PCYT1A: variants seen among roughly 807,000 people sequenced by gnomAD.
The protein encoded by PCYT1A is phosphate cytidylyltransferase 1A, choline, also known as choline-phosphate cytidylyltransferase A.
Under a neutral mutation model 43.7 loss-of-function variants are expected in PCYT1A, and 25 were observed. The observed-to-expected ratio is 0.57, with a 90% CI of 0.42 to 0.80. The LOEUF is 0.80. Among genes scored for constraint, PCYT1A ranks in the 30% least tolerant of loss-of-function variants. The pLI is 0.00. For synonymous variants in PCYT1A, 172 were observed against 170.7 expected, an observed-to-expected ratio of 1.01 and a Z score of -0.06; for missense variants, 421 against 474.2, an observed-to-expected ratio of 0.89 and a Z score of 1.04.
chr3:196,274,620 A>G (rs1725535868), intron 1 of PCYT1A, among the ~76,000 whole-genome samples: 1 of 152,236 alleles, frequency 6.6e-6, no homozygotes, highest in African/African-American at 2.4e-5. Context: ...TGGAAAACCA[A>G]TGCCAGACAG....
intron 2 of PCYT1A, among the ~76,000 whole-genome samples, chr3:196,259,927 T>C (rs1231179196): frequency 3.8e-5 from 5 of 131,866 alleles, no homozygotes; most frequent in Non-Finnish European, 6.6e-5. Flanking sequence ...TTTTTTTTTT[T>C]TTTTTTTTTT....
At position 196,237,892 on chromosome 3, in the gene PCYT1A, G is replaced by C. The variant is rs557850054; in HGVS notation, c.*796C>G. The C allele has an allele frequency of 3.6e-4, 55 of 152,308 alleles. No individual in the cohort carries two copies. Among genetic ancestry groups the C allele is most frequent in the African/African-American group, 1.1e-3 (46 of 41,554 alleles). The allele number at this position is 152,308 out of a possible 1,614,324, so 9.4% of individuals were successfully genotyped here. ...CTCTAAAAGTGTTCCTTCCTTCGAA[G>C]GTAGATGGCACGAAAGAGACTGACA... On this transcript the variant is annotated 3_prime_UTR_variant, in exon 9 of 9. Coordinates refer to ENST00000431016, the MANE Select transcript of PCYT1A (RefSeq NM_001312673.2).
Position 196,242,861 on chromosome 3 carries a change from C to T in PCYT1A, c.487-221G>A, listed in dbSNP as rs977483692. The stretch of plus-strand genomic sequence containing the variant: ...TGAAGTTAGCCAGCTGCTTTTGTAG[C>T]TATTTCTCCTAGTCTGCTAGAACTG... On this transcript the variant is annotated intron_variant, in intron 5 of 8. Coordinates refer to ENST00000431016, the MANE Select transcript of PCYT1A (RefSeq NM_001312673.2). This position sits in a 1 kb window ranked among gnomAD's most constrained non-coding sequence, Gnocchi z 4.2. 1 of 566,864 alleles carries T rather than the reference C, an allele frequency of 1.8e-6. No individual in the cohort carries two copies. The highest frequency in any genetic ancestry group is 3.2e-6 in the Non-Finnish European group (1 of 312,894). The allele number at this position is 566,864 out of a possible 1,614,324, so 35.1% of individuals were successfully genotyped here.
At chr3:196,244,230 C>T (rs1051363572) in intron 5 of PCYT1A, among the ~76,000 whole-genome samples, 1 of 147,076 alleles carries the variant, frequency 6.8e-6, no homozygotes. Context: ...GCCACGACCC[C>T]GTCTGGGATG....
chr3:196,249,052 G>A (rs970059878), intron 3 of PCYT1A, among the ~76,000 whole-genome samples: 6 of 152,160 alleles, frequency 3.9e-5, no homozygotes, highest in South Asian at 2.1e-4. Flanking sequence ...GAGCAACCGC[G>A]CCCGGCCCAA....
intron 8 of PCYT1A, 97 bp downstream of exon 8, chr3:196,239,450 A>T (rs557586694): frequency 2.8e-5 from 21 of 739,206 alleles, no homozygotes; most frequent in Non-Finnish European, 4.1e-5. Flanking sequence ...GATAGACTAG[A>T]TAACTTCTCA....
rs1463744045 is a variant in PCYT1A at position 196,287,721 on chromosome 3, G to C, written c.-117C>G. ...TGCGGGGAGACGCCCGGGGAAGGCAGCTGATGGAAGAGCCAGCCGGAAGTT... is the reference window on the plus strand; with the variant it reads ...TGCGGGGAGACGCCCGGGGAAGGCACCTGATGGAAGAGCCAGCCGGAAGTT... On this transcript the variant is annotated 5_prime_UTR_variant, in exon 1 of 9. Transcript: ENST00000431016. 2 of 152,260 alleles carry C rather than the reference G, an allele frequency of 1.3e-5. No individual in the cohort carries two copies. Among genetic ancestry groups the C allele is most frequent in the Admixed American group, 6.5e-5 (1 of 15,268 alleles). 9.4% of individuals were successfully genotyped at this position (152,260 alleles called of 1,614,324 possible).
At chr3:196,267,178 C>CA (rs878961519) in intron 2 of PCYT1A, 66,161 of 193,042 alleles carry the variant, frequency 0.34, 7,701 homozygotes, top group East Asian at 0.6. Flanking sequence ...GACTCAGTCT[C>CA]AAAAAAAAAA....
intron 1 of PCYT1A, among the ~76,000 whole-genome samples, chr3:196,285,666 T>G (rs1725889530): frequency 6.6e-6 from 1 of 152,146 alleles, no homozygotes; most frequent in Non-Finnish European, 1.5e-5. Flanking sequence ...TACAAATCAT[T>G]GAATTAGAGA....
chr3:196,261,483 C>T (rs945542786), intron 2 of PCYT1A, among the ~76,000 whole-genome samples: 7 of 151,974 alleles, frequency 4.6e-5, no homozygotes, highest in Admixed American at 3.3e-4. Context: ...GGTGAAACCC[C>T]GTCACTACTA....
At chr3:196,267,305 C>CCA (rs1560173825) in intron 2 of PCYT1A, 1 of 456,492 alleles carries the variant, frequency 2.2e-6, no homozygotes, top group Admixed American at 2.4e-5. Flanking sequence ...GTATGAATGT[C>CCA]CAGAACAGGC....
intron 1 of PCYT1A, among the ~76,000 whole-genome samples, chr3:196,275,530 C>T (rs1037590883): frequency 6.6e-6 from 1 of 151,804 alleles, no homozygotes; most frequent in African/African-American, 2.4e-5. Flanking sequence ...GTCAAGAGAT[C>T]GAGACCATCC....
intron 2 of PCYT1A, among the ~76,000 whole-genome samples, chr3:196,263,561 G>C (rs1725177736): frequency 6.6e-6 from 1 of 152,016 alleles, no homozygotes; most frequent in African/African-American, 2.4e-5. Flanking sequence ...GAGTCAAGAG[G>C]AATACCATGT....
At chr3:196,276,031 A>G (rs1448515955) in intron 1 of PCYT1A, among the ~76,000 whole-genome samples, 2 of 150,996 alleles carry the variant, frequency 1.3e-5, no homozygotes, top group East Asian at 3.9e-4. Context: ...CGGGAGGCAG[A>G]GCTTGCAGTG....
At position 196,242,742 on chromosome 3, in the gene PCYT1A, G is replaced by C. The variant is rs901422772; in HGVS notation, c.487-102C>G. The C allele has an allele frequency of 2.6e-6, 2 of 776,568 alleles. No individual in the cohort carries two copies. The highest frequency in any genetic ancestry group is 4.6e-6 in the Non-Finnish European group (2 of 431,820). 48.1% of individuals were successfully genotyped at this position (776,568 alleles called of 1,614,324 possible). A position where few individuals can be genotyped will look rare whatever the true frequency, so the allele number is the denominator to read the frequency against. On this transcript the variant is annotated intron_variant, in intron 5 of 8. Transcript: ENST00000431016. The surrounding 1 kb of genome is among the most constrained non-coding windows in gnomAD (Gnocchi z 4.2). ...AAAAAGGACAATAGGCAGAGGCCAG[G>C]CCTCAGTGGACTTCATATCTCTCTT...
At chr3:196,254,430 G>A (rs1724895531) in intron 3 of PCYT1A, among the ~76,000 whole-genome samples, 1 of 151,638 alleles carries the variant, frequency 6.6e-6, no homozygotes, top group East Asian at 1.9e-4. Flanking sequence ...GACTTGCCGT[G>A]GTCTAGACCT....
intron 2 of PCYT1A, among the ~76,000 whole-genome samples, chr3:196,270,106 C>T (rs1203182201): frequency 6.6e-6 from 1 of 152,178 alleles, no homozygotes; most frequent in Non-Finnish European, 1.5e-5. Context: ...TCAGGTGATC[C>T]TCCCACCTCA....
chr3:196,246,813 T>C (rs994690707), intron 5 of PCYT1A, among the ~76,000 whole-genome samples: 11 of 152,192 alleles, frequency 7.2e-5, no homozygotes, highest in Admixed American at 4.6e-4. Flanking sequence ...GGGGAAGGTC[T>C]CGTAACTGGT....
intron 7 of PCYT1A, chr3:196,240,048 G>A (rs1277325701): frequency 3.3e-6 from 1 of 303,020 alleles, no homozygotes; most frequent in East Asian, 6.1e-5. Context: ...ACATAAACAT[G>A]CGCAGCATGG....
Sources: gnomAD v4.1 joint callset for allele counts (sites outside exome capture counted in the v4.1 genomes callset) on GRCh38, gnomAD v4.1.1 for gene constraint, Gnocchi (gnomAD v3.1) non-coding constraint, MANE v1.5 for transcripts, NCBI Gene and HGNC (gene_info 2026-07-23, HGNC 2026-07-21) for gene names.